CNTNAP5: variants seen among roughly 807,000 people sequenced by gnomAD.
CNTNAP5 encodes contactin-associated protein-like 5.
In CNTNAP5, 72 loss-of-function variants were observed where a neutral mutation model predicts 150.2. The observed-to-expected ratio is 0.48, with a 90% confidence interval of 0.40 to 0.58. The LOEUF (loss-of-function observed/expected upper bound fraction) is 0.58. CNTNAP5 is among the 20% of genes least tolerant of loss of function. The pLI, the probability that CNTNAP5 is intolerant of heterozygous loss-of-function variation, is 0.00. For missense variants in CNTNAP5, 1,636 were observed against 1,626.2 expected, an observed-to-expected ratio of 1.01 and a Z score of -0.10; for synonymous variants, 672 against 619.8, an observed-to-expected ratio of 1.08 and a Z score of -1.25.
intron 3 of CNTNAP5, among the ~76,000 whole-genome samples, chr2:124,364,685 A>G (rs1169844247): frequency 6.6e-6 from 1 of 152,238 alleles, no homozygotes. Context: ...CAAGAAAGAG[A>G]TATCATGATG....
At chr2:124,603,528 G>A (rs983862317) in intron 11 of CNTNAP5, among the ~76,000 whole-genome samples, 1 of 152,126 alleles carries the variant, frequency 6.6e-6, no homozygotes, top group Non-Finnish European at 1.5e-5. Context: ...TTATCTCACT[G>A]GGCATTACTA....
chr2:124,355,932 ATGT>A (rs1462131212), intron 3 of CNTNAP5, among the ~76,000 whole-genome samples: 1 of 152,172 alleles, frequency 6.6e-6, no homozygotes, highest in African/African-American at 2.4e-5. Flanking sequence ...CAATGCTAAG[ATGT>A]TGTAACACGT....
In CNTNAP5 at chr2:124,028,505, A is replaced by G. The variant is rs144115859; in HGVS notation, c.82+2773A>G. 2.7e-3 allele frequency among the ~76,000 whole-genome samples: 407 copies of G among 152,260 alleles called. 3 individuals carry two copies. Among genetic ancestry groups the G allele is most frequent in the Middle Eastern group, 0.01 (3 of 294 alleles). Reference sequence around the variant, plus strand: ...TATTATGAATCTGTGCAGAGAACATAATTACTTACCAGTAATAAAAACTGC... The same window carrying G: ...TATTATGAATCTGTGCAGAGAACATGATTACTTACCAGTAATAAAAACTGC... On this transcript the variant is annotated intron_variant, in intron 1 of 23. Transcript: ENST00000682447.
chr2:124,809,343 G>C (rs185668111), intron 19 of CNTNAP5, among the ~76,000 whole-genome samples: 106 of 152,094 alleles, frequency 7.0e-4, no homozygotes, highest in Non-Finnish European at 1.2e-3. Flanking sequence ...TCTTCAGCTA[G>C]ATAGGATAAT....
intron 1 of CNTNAP5, among the ~76,000 whole-genome samples, chr2:124,115,820 G>GTGTT (rs1172483410): frequency 6.6e-6 from 1 of 151,226 alleles, no homozygotes; most frequent in Non-Finnish European, 1.5e-5. Flanking sequence ...GTGTGTGTGT[G>GTGTT]TGTGTGTAGA....
At chr2:124,747,603 T>C (rs1680633347) in intron 14 of CNTNAP5, among the ~76,000 whole-genome samples, 1 of 142,396 alleles carries the variant, frequency 7.0e-6, no homozygotes, top group East Asian at 2.1e-4. Context: ...TACCATCAGC[T>C]GCTGCTTCTT....
intron 19 of CNTNAP5, among the ~76,000 whole-genome samples, chr2:124,839,242 G>C (rs1267260602): frequency 6.6e-6 from 1 of 152,006 alleles, no homozygotes; most frequent in Admixed American, 6.6e-5. Context: ...CTGGTATAAA[G>C]GGGATAAAGT....
At chr2:124,874,156 C>A (rs1336013287) in intron 21 of CNTNAP5, among the ~76,000 whole-genome samples, 2 of 151,992 alleles carry the variant, frequency 1.3e-5, no homozygotes, top group Admixed American at 1.3e-4. Flanking sequence ...ATGCTCAAAT[C>A]CATCAAGTTA....
At chr2:124,647,522 G>A (rs1019827619) in intron 12 of CNTNAP5, among the ~76,000 whole-genome samples, 1 of 152,192 alleles carries the variant, frequency 6.6e-6, no homozygotes, top group African/African-American at 2.4e-5. Flanking sequence ...GGGATTAAAT[G>A]CTTACTGTAG....
At chr2:124,750,766 A>AT in intron 14 of CNTNAP5, among the ~76,000 whole-genome samples, 1 of 152,034 alleles carries the variant, frequency 6.6e-6, no homozygotes, top group Non-Finnish European at 1.5e-5. Context: ...TGGGCGGATC[A>AT]CGAGGTCAGG....
rs796798343 is a variant in CNTNAP5 at position 124,817,560 on chromosome 2, G to C, written c.3217+19240G>C. Among the ~76,000 whole-genome samples, 30 of 152,284 alleles carry C rather than the reference G, an allele frequency of 2.0e-4. 1 individual carries two copies. The highest frequency in any genetic ancestry group is 7.2e-4 in the African/African-American group (30 of 41,548). On this transcript the variant is annotated intron_variant, in intron 19 of 23. Transcript: ENST00000682447. Reference sequence around the variant, plus strand: ...AGTCTATTCTAACAGATTATAGCTAGAGTTGTATAAAGTCTTGAGAGGCTA... The same window carrying C: ...AGTCTATTCTAACAGATTATAGCTACAGTTGTATAAAGTCTTGAGAGGCTA...
At chr2:124,534,843 C>A (rs1695192189) in intron 10 of CNTNAP5, among the ~76,000 whole-genome samples, 1 of 152,130 alleles carries the variant, frequency 6.6e-6, no homozygotes, top group Non-Finnish European at 1.5e-5. Context: ...TGACTTGTAT[C>A]TTGTGACACC....
intron 1 of CNTNAP5, among the ~76,000 whole-genome samples, chr2:124,061,828 A>G (rs777533073): frequency 5.3e-5 from 8 of 152,090 alleles, no homozygotes; most frequent in Non-Finnish European, 1.2e-4. Flanking sequence ...TCTTTTCCTG[A>G]GTTTTATCTT....
intron 21 of CNTNAP5, among the ~76,000 whole-genome samples, chr2:124,891,580 A>G (rs952303625): frequency 1.1e-4 from 16 of 152,254 alleles, no homozygotes; most frequent in Non-Finnish European, 1.3e-4. Flanking sequence ...CAAGGATACA[A>G]TGTTAATGTT....
intron 1 of CNTNAP5, among the ~76,000 whole-genome samples, chr2:124,110,700 G>A (rs193073504): frequency 2.6e-5 from 4 of 152,262 alleles, no homozygotes; most frequent in Non-Finnish European, 5.9e-5. Context: ...AGTAGCTTAG[G>A]TAGTTTCCGA....
Position 124,865,302 on chromosome 2 carries a change from C to A in CNTNAP5, c.3218-4C>A. 2.6e-6 allele frequency: 4 copies of A among 1,554,636 alleles called. No homozygotes were observed. Among genetic ancestry groups the A allele is most frequent in the Non-Finnish European group, 3.5e-6 (4 of 1,148,162 alleles). On this transcript the variant is annotated splice_region_variant and splice_polypyrimidine_tract_variant and intron_variant, in intron 19 of 23. Transcript: ENST00000682447. ...ATTCTAATTTCTAATATTTTTCTTT[C>A]AAGGAAGCTTACAGGTTCGCTATCA...
chr2:124,167,991 T>A (rs1431157320), intron 1 of CNTNAP5, among the ~76,000 whole-genome samples: 1 of 152,102 alleles, frequency 6.6e-6, no homozygotes, highest in Non-Finnish European at 1.5e-5. Context: ...TTTTCAGATT[T>A]TTCTGGATGT....
chr2:124,653,915 C>G (rs1020325727), intron 13 of CNTNAP5, among the ~76,000 whole-genome samples: 1 of 134,428 alleles, frequency 7.4e-6, no homozygotes, highest in Admixed American at 7.3e-5. Context: ...CCCCCAACCC[C>G]CCCCCCCCGC....
At chr2:124,503,383 C>T (rs1694321329) in intron 7 of CNTNAP5, among the ~76,000 whole-genome samples, 1 of 152,208 alleles carries the variant, frequency 6.6e-6, no homozygotes. Context: ...AACTCTGCCA[C>T]CTGGCCACTT....
Sources: allele counts gnomAD v4.1 joint callset (sites outside exome capture counted in the v4.1 genomes callset), GRCh38; gene constraint gnomAD v4.1.1; transcripts MANE v1.5; gene names NCBI Gene and HGNC (gene_info 2026-07-23, HGNC 2026-07-21).